The following DNAH9 variants were observed in gnomAD, a reference collection of about 807,000 sequenced individuals.
DNAH9 encodes dynein axonemal heavy chain 9, also known as DNAH9 variant protein.
In DNAH9, 345 loss-of-function variants were observed where a neutral mutation model predicts 471.6. The ratio of observed to expected loss-of-function variants is 0.73; its 90% CI spans 0.67 to 0.80. The LOEUF is 0.80. DNAH9 is among the 30% of genes least tolerant of loss of function. DNAH9 has a pLI of 0.00. For missense variants in DNAH9, 5,407 were observed against 5,609.2 expected (o/e 0.96, Z 1.15); for synonymous variants, 2,093 against 2,123.6 (o/e 0.99, Z 0.40).
chr17:11,902,659 C>T (rs951037726), intron 59 of DNAH9, 60 bp from the exon 60 acceptor site: 41 of 1,505,568 alleles, frequency 2.7e-5, no homozygotes, highest in Non-Finnish European at 3.5e-5. Context: ...AATCCCCCAA[C>T]ACAATGCAAA....
chr17:11,921,219 G>C (rs777403456), intron 61 of DNAH9, among the ~76,000 whole-genome samples: 24 of 150,120 alleles, frequency 1.6e-4, no homozygotes, highest in Non-Finnish European at 3.0e-4. Context: ...TTCCAGCCTG[G>C]GTGAAAAAAA....
At chr17:11,690,717 A>T (rs1229661416) in intron 20 of DNAH9, among the ~76,000 whole-genome samples, 2 of 147,582 alleles carry the variant, frequency 1.4e-5, no homozygotes, top group African/African-American at 2.7e-5. Context: ...AAGAAAGATT[A>T]AAAAAAAATA....
intron 67 of DNAH9, among the ~76,000 whole-genome samples, chr17:11,945,657 G>A (rs1360002497): frequency 6.6e-6 from 1 of 152,110 alleles, no homozygotes; most frequent in Non-Finnish European, 1.5e-5. Flanking sequence ...GAAGGAAGGA[G>A]GGGGGTGAGG....
intron 1 of DNAH9, among the ~76,000 whole-genome samples, chr17:11,602,652 C>T (rs1208158582): frequency 6.6e-6 from 1 of 152,194 alleles, no homozygotes; most frequent in Non-Finnish European, 1.5e-5. Context: ...AACATTACTT[C>T]TAATATGTGG....
chr17:11,770,920 C>T (rs1423320246), intron 38 of DNAH9, among the ~76,000 whole-genome samples: 1 of 152,132 alleles, frequency 6.6e-6, no homozygotes, highest in African/African-American at 2.4e-5. Context: ...CAATTGTAAG[C>T]TACCAATGCA....
At chr17:11,784,662 A>G (rs1046721061) in intron 41 of DNAH9, 123 bp downstream of exon 41, 1 of 1,384,862 alleles carries the variant, frequency 7.2e-7, no homozygotes, top group Admixed American at 1.8e-5. Context: ...GTTCATATGT[A>G]ATCATGAACA....
Position 11,690,179 on chromosome 17 carries a change from C to T in DNAH9, c.4357C>T (p.Pro1453Ser). 2 of 1,614,200 alleles carry T rather than the reference C, an allele frequency of 1.2e-6. No individual in the cohort carries two copies. The highest frequency in any genetic ancestry group is 2.2e-5 in the East Asian group (1 of 44,882). The change falls in exon 20 of 69, where the codon CCC (proline) becomes TCC (serine). Residue 1453 changes from proline to serine, a missense_variant. Physicochemically the swap from Pro to Ser is moderately conservative, Grantham distance 74. Around this residue, in one of 3 missense-constraint regions of DNAH9, gnomAD observed 4,636 missense variants for 4,900.3 expected, o/e 0.95. Transcript: ENST00000262442. Reference sequence around the variant, plus strand: ...GGCTGGCATGGAATTCCAGTATGAGCCCCACCCACGGACCAATGTCCCCCT... The same window carrying T: ...GGCTGGCATGGAATTCCAGTATGAGTCCCACCCACGGACCAATGTCCCCCT... ...TWAGMEFQYE[P>S]HPRTNVPLLC...
rs188494736 is a variant in DNAH9 at position 11,704,168 on chromosome 17, A to G, written c.5152-35A>G. 396 of 1,612,328 alleles carry G rather than the reference A, an allele frequency of 2.5e-4. 2 individuals are homozygous for G. The highest frequency in any genetic ancestry group is 1.9e-3 in the South Asian group (175 of 90,836). On this transcript the variant is annotated intron_variant, in intron 24 of 68. Transcript: ENST00000262442. Reference sequence around the variant, plus strand: ...AGTGGGTTGGTTGGAAACAGCCATGATAACAGCTTTACTAGGCAACTCTTG... The same window carrying G: ...AGTGGGTTGGTTGGAAACAGCCATGGTAACAGCTTTACTAGGCAACTCTTG...
At chr17:11,674,702 G>A (rs961142458) in intron 17 of DNAH9, among the ~76,000 whole-genome samples, 3 of 152,068 alleles carry the variant, frequency 2.0e-5, no homozygotes, top group African/African-American at 7.2e-5. Context: ...GTGGCCAAAT[G>A]TGTCCAACTT....
chr17:11,891,712 G>C, intron 57 of DNAH9, 65 bp from the exon 58 acceptor site: 1 of 1,527,476 alleles, frequency 6.5e-7, no homozygotes, highest in Non-Finnish European at 8.8e-7. Flanking sequence ...TTCTTCGCAG[G>C]TAAGACCACT....
At position 11,690,256 on chromosome 17, in the gene DNAH9, A is replaced by G. The variant is rs1481591582; in HGVS notation, c.4434A>G (p.Gln1478=). 2 of 1,614,122 alleles carry G rather than the reference A, an allele frequency of 1.2e-6. No individual in the cohort carries two copies. Among genetic ancestry groups the G allele is most frequent in the Non-Finnish European group, 1.7e-6 (2 of 1,180,016 alleles). ...AGGTTCTGGAGGATAATCAAGTTCAACTTCAGAACCTGGTGATGTCCAAGT... is the reference window on the plus strand; with the variant it reads ...AGGTTCTGGAGGATAATCAAGTTCAGCTTCAGAACCTGGTGATGTCCAAGT... ...LIEVLEDNQV[Q]LQNLVMSKYV... The change falls in exon 20 of 69, where the codon CAA becomes CAG. Residue 1478 remains glutamine, a synonymous_variant. Transcript: ENST00000262442.
intron 59 of DNAH9, among the ~76,000 whole-genome samples, chr17:11,899,563 C>T (rs571723093): frequency 6.6e-6 from 1 of 152,332 alleles, no homozygotes. Flanking sequence ...TTAAATGTTG[C>T]AATTGTATTC....
intron 44 of DNAH9, 36 bp downstream of exon 44, chr17:11,807,930 C>A: frequency 6.4e-7 from 1 of 1,571,216 alleles, no homozygotes; most frequent in South Asian, 1.2e-5. Context: ...GGAGGCTCAG[C>A]TTCCCTCCAA....
chr17:11,884,664 T>G, intron 56 of DNAH9: 1 of 421,770 alleles, frequency 2.4e-6, no homozygotes, highest in South Asian at 1.7e-5. Flanking sequence ...ACAGTTGAGG[T>G]TGGAGTGATG....
intron 27 of DNAH9, among the ~76,000 whole-genome samples, chr17:11,720,070 C>T (rs1032843158): frequency 7.2e-5 from 11 of 152,142 alleles, no homozygotes; most frequent in African/African-American, 1.2e-4. Flanking sequence ...CATTCAGGCA[C>T]GTACAATTTT....
rs1447243031 is a variant in DNAH9, at chr17:11,705,013, C to T, written c.5392-12C>T. The T allele has an allele frequency of 1.2e-6, 2 of 1,612,506 alleles. No homozygotes were observed. Among genetic ancestry groups the T allele is most frequent in the South Asian group, 1.1e-5 (1 of 91,004 alleles). ...TATGATTCACCCACCTACTCTACCA[C>T]TCTCTCTTTAGGTAGACAATGCCCA... On this transcript the variant is annotated splice_polypyrimidine_tract_variant and intron_variant, in intron 25 of 68. Transcript: ENST00000262442.
At chr17:11,795,025 TAACA>T (rs1338154170) in intron 42 of DNAH9, among the ~76,000 whole-genome samples, 1 of 151,920 alleles carries the variant, frequency 6.6e-6, no homozygotes, top group African/African-American at 2.4e-5. Flanking sequence ...TATACATATG[TAACA>T]AACCTGCATG....
At chr17:11,672,631 C>T (rs970785211) in intron 17 of DNAH9, among the ~76,000 whole-genome samples, 9 of 152,142 alleles carry the variant, frequency 5.9e-5, no homozygotes, top group Non-Finnish European at 1.2e-4. Flanking sequence ...TCAGAGGTTT[C>T]CCTTCCCACC....
rs776681978 is a variant in DNAH9 at position 11,891,958 on chromosome 17, AT to A, written c.11283+13del. 1.2e-6 allele frequency: 2 copies of A among 1,610,008 alleles called. No individual in the cohort carries two copies. The highest frequency in any genetic ancestry group is 4.5e-5 in the East Asian group (2 of 44,798). On this transcript the variant is annotated intron_variant, in intron 58 of 68. Transcript: ENST00000262442. ...CAGCTCACCTTTCAGGTAAAAGTGG[AT>A]TGAAGAAGTTTCCAGAAAACAGGTT...
Sources: gnomAD v4.1 joint callset for allele counts (sites outside exome capture counted in the v4.1 genomes callset) on GRCh38, gnomAD v4.1.1 for gene constraint, gnomAD v4.1.1 regional missense constraint, MANE v1.5 for transcripts, NCBI Gene and HGNC (gene_info 2026-07-23, HGNC 2026-07-21) for gene names.